The following TDRD9 variants were observed in gnomAD, a reference collection of about 807,000 sequenced individuals.
TDRD9 encodes ATP-dependent RNA helicase TDRD9.
In TDRD9, 124 loss-of-function variants were observed where a neutral mutation model predicts 172.6. The observed-to-expected ratio is 0.72, with a 90% CI of 0.62 to 0.83. TDRD9 has a LOEUF of 0.83. Ranked by LOEUF, TDRD9 falls within the 40% of genes least tolerant of loss-of-function variation. The pLI is 0.00. For synonymous variants in TDRD9, 619 were observed against 617.1 expected (o/e 1.00, Z -0.05); for missense variants, 1,479 against 1,714.1 (o/e 0.86, Z 2.42).
At chr14:103,978,888 A>G (rs935021881) in intron 7 of TDRD9, among the ~76,000 whole-genome samples, 2 of 152,204 alleles carry the variant, frequency 1.3e-5, no homozygotes, top group African/African-American at 4.8e-5. Flanking sequence ...TAGCATATCT[A>G]TTGTATCAAA....
intron 1 of TDRD9, chr14:103,941,023 A>G (rs1196283729): frequency 1.3e-6 from 2 of 1,535,288 alleles, no homozygotes; most frequent in Non-Finnish European, 1.7e-6. Context: ...AGAGCTGCTT[A>G]GGAAGTCTTT....
At chr14:104,007,544 T>A (rs1285866202) in intron 19 of TDRD9, among the ~76,000 whole-genome samples, 1 of 152,200 alleles carries the variant, frequency 6.6e-6, no homozygotes, top group Non-Finnish European at 1.5e-5. Context: ...GACGTGTCAG[T>A]TCAAAATTGA....
intron 32 of TDRD9, among the ~76,000 whole-genome samples, chr14:104,036,903 G>T (rs1045712407): frequency 6.6e-6 from 1 of 152,200 alleles, no homozygotes; most frequent in Admixed American, 6.5e-5. Flanking sequence ...AAGGTAGCAG[G>T]GGGGCCTGGT....
Position 103,966,802 on chromosome 14 carries a change from A to G in TDRD9, c.736A>G (p.Met246Val). ...GAAAATAGTTAGTGCCAAGAGTTTGATGGAATTCACACATATCATCATTGA... is the reference window on the plus strand; with the variant it reads ...GAAAATAGTTAGTGCCAAGAGTTTGGTGGAATTCACACATATCATCATTGA... Reference protein sequence around the residue: ...LQKIVSAKSLMEFTHIIIDEV... With the variant: ...LQKIVSAKSLVEFTHIIIDEV... The change falls in exon 5 of 36, where the codon ATG becomes GTG. Residue 246 changes from methionine to valine, a missense_variant. Physicochemically the swap from Met to Val is conservative, Grantham distance 21 (BLOSUM62 1). Around this residue, in one of 3 missense-constraint regions of TDRD9, gnomAD observed 1,413 missense variants for 1,649.1 expected, o/e 0.86. Transcript: ENST00000409874. 2 of 1,551,058 alleles carry G rather than the reference A, an allele frequency of 1.3e-6. No homozygotes were observed. Among genetic ancestry groups the G allele is most frequent in the Non-Finnish European group, 1.7e-6 (2 of 1,146,734 alleles).
intron 14 of TDRD9, among the ~76,000 whole-genome samples, chr14:104,004,866 A>G (rs920329486): frequency 2.6e-5 from 4 of 152,130 alleles, no homozygotes; most frequent in Non-Finnish European, 5.9e-5. Flanking sequence ...GCTCTATAAT[A>G]GGATTGTCTT....
At chr14:103,953,176 C>A (rs2032031312) in intron 1 of TDRD9, among the ~76,000 whole-genome samples, 1 of 152,262 alleles carries the variant, frequency 6.6e-6, no homozygotes, top group African/African-American at 2.4e-5. Context: ...TTATTCAGAA[C>A]AAAAGCCAAA....
At chr14:103,977,385 C>T (rs529395440) in intron 7 of TDRD9, among the ~76,000 whole-genome samples, 8 of 147,998 alleles carry the variant, frequency 5.4e-5, no homozygotes, top group Non-Finnish European at 1.2e-4. Context: ...CCCAGCTACT[C>T]GGGAAGCTGA....
intron 18 of TDRD9, 23 bp downstream of exon 18, chr14:104,006,868 C>CT (rs768976524): frequency 2.5e-5 from 40 of 1,593,166 alleles, no homozygotes; most frequent in Non-Finnish European, 3.3e-5. Flanking sequence ...TTGTGTAAAC[C>CT]ATGAAAGCAG....
intron 1 of TDRD9, among the ~76,000 whole-genome samples, chr14:103,930,655 C>T (rs74403573): frequency 0.023 from 3,457 of 152,214 alleles, 77 homozygotes; most frequent in East Asian, 0.071. Context: ...CGAGAGACCC[C>T]TTGTGCAACT....
chr14:104,007,039 A>G, intron 18 of TDRD9, 121 bp from the exon 19 acceptor site: 6 of 1,126,742 alleles, frequency 5.3e-6, no homozygotes, highest in Non-Finnish European at 7.6e-6. Context: ...TATGAAATTG[A>G]TTGAAAAAAT....
chr14:104,004,413 C>T, intron 14 of TDRD9, 78 bp downstream of exon 14: 1 of 803,674 alleles, frequency 1.2e-6, no homozygotes, highest in Non-Finnish European at 2.0e-6. Flanking sequence ...CGGAGTCTTG[C>T]ACTGTTGTCT....
chr14:104,014,438 C>T (rs565751719), intron 20 of TDRD9, among the ~76,000 whole-genome samples: 1 of 151,992 alleles, frequency 6.6e-6, no homozygotes, highest in African/African-American at 2.4e-5. Context: ...CGCCACCACG[C>T]CCAGCTAACT....
At position 104,052,152 on chromosome 14, in the gene TDRD9, C is replaced by T. The variant is rs2035953899; in HGVS notation, c.*70C>T. Reference sequence around the variant, plus strand: ...GAGGCTGGATTCCAGGCTCCCTCCGCAGACTGACTTTCCTCTGTGTCTGGG... The same window carrying T: ...GAGGCTGGATTCCAGGCTCCCTCCGTAGACTGACTTTCCTCTGTGTCTGGG... On this transcript the variant is annotated 3_prime_UTR_variant, in exon 36 of 36. Transcript: ENST00000409874. 1 of 1,083,222 alleles carries T rather than the reference C, an allele frequency of 9.2e-7. No individual in the cohort carries two copies. The allele number at this position is 1,083,222 out of a possible 1,614,324, so 67.1% of individuals were successfully genotyped here.
chr14:103,962,341 CA>C (rs1356586185), intron 2 of TDRD9, among the ~76,000 whole-genome samples: 7 of 152,252 alleles, frequency 4.6e-5, no homozygotes, highest in African/African-American at 1.7e-4. Flanking sequence ...ACCACTGAAT[CA>C]GCAATGAGTG....
At chr14:104,014,089 C>T (rs927662992) in intron 20 of TDRD9, among the ~76,000 whole-genome samples, 7 of 151,692 alleles carry the variant, frequency 4.6e-5, no homozygotes, top group Middle Eastern at 3.4e-3. Context: ...ATTAGCTGGG[C>T]GTGGTGGTGG....
intron 33 of TDRD9, 150 bp downstream of exon 33, chr14:104,040,484 T>A: frequency 1.2e-6 from 1 of 851,842 alleles, no homozygotes; most frequent in Non-Finnish European, 1.6e-6. Context: ...CCTCCTGGAG[T>A]CACCCTCCAG....
chr14:104,026,301 C>T (rs931213174), intron 27 of TDRD9, among the ~76,000 whole-genome samples, 165 bp downstream of exon 27: 16 of 152,148 alleles, frequency 1.1e-4, no homozygotes, highest in African/African-American at 3.9e-4. Flanking sequence ...GGTTTCTGCT[C>T]TTCCAAAAAT....
chr14:103,993,299 T>TA (rs2033942164), intron 9 of TDRD9, among the ~76,000 whole-genome samples: 1 of 152,158 alleles, frequency 6.6e-6, no homozygotes, highest in Non-Finnish European at 1.5e-5. Flanking sequence ...GGCTGGTAAA[T>TA]ACTTTTTACC....
chr14:103,947,893 A>C (rs2031655152), intron 1 of TDRD9, among the ~76,000 whole-genome samples: 1 of 152,248 alleles, frequency 6.6e-6, no homozygotes, highest in Non-Finnish European at 1.5e-5. Flanking sequence ...TTTGTATATC[A>C]AAAAACTGAA....
Sources: allele counts gnomAD v4.1 joint callset (sites outside exome capture counted in the v4.1 genomes callset), GRCh38; gene constraint gnomAD v4.1.1; regional missense constraint gnomAD v4.1.1; transcripts MANE v1.5; gene names NCBI Gene and HGNC (gene_info 2026-07-23, HGNC 2026-07-21).